GRID2: variants seen among roughly 807,000 people sequenced by gnomAD.
GRID2 encodes glutamate ionotropic receptor delta type subunit 2, also known as glutamate receptor ionotropic, delta-2.
A neutral mutation model predicts 114.8 loss-of-function variants in GRID2; 33 were observed. That is an observed-to-expected ratio of 0.29 (90% CI 0.22 to 0.38). GRID2 has a LOEUF of 0.38. Among genes scored for constraint, GRID2 ranks in the 10% least tolerant of loss-of-function variants. The pLI, the probability that GRID2 is intolerant of heterozygous loss-of-function variation, is 1.00. For missense variants in GRID2, 1,184 were observed against 1,257.7 expected, an observed-to-expected ratio of 0.94 and a Z score of 0.89; for synonymous variants, 505 against 449.9, an observed-to-expected ratio of 1.12 and a Z score of -1.55.
At chr4:93,488,464 T>G (rs1232947287) in intron 11 of GRID2, among the ~76,000 whole-genome samples, 1 of 151,920 alleles carries the variant, frequency 6.6e-6, no homozygotes, top group East Asian at 1.9e-4. Flanking sequence ...TAGTGGGAAC[T>G]CGTGGTTGTA....
chr4:92,604,394 T>C (rs1451852587), intron 2 of GRID2, among the ~76,000 whole-genome samples: 1 of 152,108 alleles, frequency 6.6e-6, no homozygotes, highest in Non-Finnish European at 1.5e-5. Flanking sequence ...TGCTGGGACA[T>C]GGATGGAGCT....
chr4:93,402,472 GAAAA>G (rs1262636257), intron 9 of GRID2, among the ~76,000 whole-genome samples: 2 of 151,532 alleles, frequency 1.3e-5, no homozygotes, highest in Admixed American at 1.3e-4. Context: ...ACTCAGTAAA[GAAAA>G]AAAAGCATGA....
intron 7 of GRID2, 33 bp from the exon 8 acceptor site, chr4:93,238,338 A>G: frequency 6.7e-7 from 1 of 1,500,880 alleles, no homozygotes; most frequent in South Asian, 1.2e-5. Context: ...TTTACTTCTC[A>G]AATTTTACAT....
intron 7 of GRID2, among the ~76,000 whole-genome samples, chr4:93,233,979 C>G (rs1223421164): frequency 6.6e-6 from 1 of 152,060 alleles, no homozygotes; most frequent in Non-Finnish European, 1.5e-5. Flanking sequence ...CCTTTTAAAA[C>G]GTCTGCATAC....
At chr4:92,532,890 T>C (rs547092560) in intron 1 of GRID2, among the ~76,000 whole-genome samples, 33 of 152,086 alleles carry the variant, frequency 2.2e-4, no homozygotes, top group Non-Finnish European at 4.6e-4. Context: ...CCTGGCAACA[T>C]AGCAAGGCCC....
intron 2 of GRID2, among the ~76,000 whole-genome samples, chr4:92,915,616 T>C (rs944018543): frequency 2.0e-5 from 3 of 152,088 alleles, no homozygotes; most frequent in Non-Finnish European, 4.4e-5. Flanking sequence ...TATTTCTGCT[T>C]TTAGATTTTT....
chr4:93,043,935 A>AT (rs1166824445), intron 2 of GRID2, among the ~76,000 whole-genome samples: 1 of 149,506 alleles, frequency 6.7e-6, no homozygotes, highest in East Asian at 1.9e-4. Context: ...ATATATAAAA[A>AT]TAAAAAAAGA....
intron 2 of GRID2, among the ~76,000 whole-genome samples, chr4:92,671,755 A>G (rs1348787150): frequency 6.6e-6 from 1 of 152,146 alleles, no homozygotes. Context: ...AAAAGTGTCC[A>G]AATAGGAAGA....
intron 2 of GRID2, among the ~76,000 whole-genome samples, chr4:92,916,395 A>G (rs1231201818): frequency 6.6e-6 from 1 of 152,140 alleles, no homozygotes; most frequent in Non-Finnish European, 1.5e-5. Context: ...GATTTAGGGT[A>G]TATGTGCACA....
At position 93,343,668 on chromosome 4, in the gene GRID2, T is replaced by G. The variant is rs530145877; in HGVS notation, c.1246-51939T>G. ...GTCATTGATTCCTTTGTTCTGATTA[T>G]TCATCAAAAAAATTTTTTTAAATGT... On this transcript the variant is annotated intron_variant, in intron 8 of 15. Coordinates refer to ENST00000282020, the MANE Select transcript of GRID2 (RefSeq NM_001510.4). 9.6e-5 allele frequency among the ~76,000 whole-genome samples: 11 copies of G among 114,018 alleles called. No individual in the cohort carries two copies. In the South Asian group the frequency reaches 3.3e-3, roughly 35 times the overall value. The allele number at this position is 114,018 out of a possible 152,430, so 74.8% of individuals were successfully genotyped here.
chr4:93,515,804 G>C (rs548789028), intron 13 of GRID2, among the ~76,000 whole-genome samples: 10 of 152,196 alleles, frequency 6.6e-5, no homozygotes, highest in South Asian at 6.2e-4. Context: ...GGATTAAACC[G>C]TCATCTTTAG....
chr4:92,342,463 A>G (rs1014431609), intron 1 of GRID2, among the ~76,000 whole-genome samples: 7 of 152,232 alleles, frequency 4.6e-5, no homozygotes, highest in Admixed American at 1.3e-4. Flanking sequence ...ATATAATTAG[A>G]GAAGTCAGTG....
intron 8 of GRID2, among the ~76,000 whole-genome samples, chr4:93,376,371 A>T (rs78364080): frequency 0.02 from 3,048 of 152,260 alleles, 107 homozygotes; most frequent in African/African-American, 0.07. Context: ...CCAATTTGCA[A>T]ATAATGCAAT....
intron 1 of GRID2, among the ~76,000 whole-genome samples, chr4:93,789,783 T>C (rs1158684766): frequency 6.6e-6 from 1 of 152,172 alleles, no homozygotes; most frequent in Non-Finnish European, 1.5e-5. Flanking sequence ...ATTGATAGAG[T>C]ATAAATTTAA....
At chr4:93,498,152 A>G (rs1392374385) in intron 12 of GRID2, among the ~76,000 whole-genome samples, 3 of 151,918 alleles carry the variant, frequency 2.0e-5, no homozygotes, top group Non-Finnish European at 2.9e-5. Flanking sequence ...TTTATAAAGA[A>G]TAGAAATTTA....
chr4:92,662,028 A>T (rs1052523600), intron 2 of GRID2, among the ~76,000 whole-genome samples: 7 of 151,028 alleles, frequency 4.6e-5, no homozygotes, highest in Admixed American at 2.0e-4. Flanking sequence ...CCCACAGTTT[A>T]TGTCTTAGTT....
At chr4:92,749,460 G>A (rs1387303683) in intron 2 of GRID2, among the ~76,000 whole-genome samples, 1 of 150,422 alleles carries the variant, frequency 6.6e-6, no homozygotes, top group African/African-American at 2.4e-5. Flanking sequence ...GACTACAGGC[G>A]CCAGCCACCA....
chr4:93,094,931 A>G (rs951259107), intron 3 of GRID2, among the ~76,000 whole-genome samples: 3 of 152,046 alleles, frequency 2.0e-5, no homozygotes, highest in African/African-American at 7.2e-5. Context: ...GTATTTGAAA[A>G]AAGAAAAGCT....
chr4:92,925,060 G>T (rs1256956051), intron 2 of GRID2, among the ~76,000 whole-genome samples: 2 of 152,072 alleles, frequency 1.3e-5, no homozygotes, highest in Non-Finnish European at 2.9e-5. Context: ...CAAGGGTCCA[G>T]AATAAAATAA....
Sources: allele counts gnomAD v4.1 joint callset (sites outside exome capture counted in the v4.1 genomes callset), GRCh38; gene constraint gnomAD v4.1.1; transcripts MANE v1.5; gene names NCBI Gene and HGNC (gene_info 2026-07-23, HGNC 2026-07-21).